LRMDA: variants seen among roughly 807,000 people sequenced by gnomAD.
The protein encoded by LRMDA is leucine rich melanocyte differentiation associated.
Under a neutral mutation model 29.8 loss-of-function variants are expected in LRMDA, and 18 were observed. That is an observed-to-expected ratio of 0.60 (90% CI 0.42 to 0.90). The LOEUF is 0.90. LRMDA is among the 40% of genes least tolerant of loss of function. LRMDA has a pLI of 0.00. For synonymous variants in LRMDA, 125 were observed against 109.4 expected, an observed-to-expected ratio of 1.14 and a Z score of -0.89; for missense variants, 273 against 273.9, an observed-to-expected ratio of 1.00 and a Z score of 0.02.
intron 5 of LRMDA, among the ~76,000 whole-genome samples, chr10:76,297,874 G>A (rs1022083342): frequency 6.6e-6 from 1 of 152,144 alleles, no homozygotes; most frequent in Non-Finnish European, 1.5e-5. Flanking sequence ...GCCTTTTGGC[G>A]TGCTGCAAAT....
At chr10:75,814,789 G>A (rs768144455) in intron 2 of LRMDA, among the ~76,000 whole-genome samples, 1 of 152,226 alleles carries the variant, frequency 6.6e-6, no homozygotes, top group African/African-American at 2.4e-5. Flanking sequence ...TAAGATGCGT[G>A]TTAGAAATGA....
At chr10:75,649,987 G>C (rs1210956312) in intron 2 of LRMDA, among the ~76,000 whole-genome samples, 1 of 144,958 alleles carries the variant, frequency 6.9e-6, no homozygotes, top group Non-Finnish European at 1.5e-5. Flanking sequence ...TGATGTTATT[G>C]TTGAGCATTA....
chr10:76,541,108 A>G (rs1377758566), intron 6 of LRMDA, among the ~76,000 whole-genome samples: 1 of 152,150 alleles, frequency 6.6e-6, no homozygotes, highest in Non-Finnish European at 1.5e-5. Context: ...TCCTAGGTCC[A>G]TTCATTTGGC....
At position 75,740,504 on chromosome 10, in the gene LRMDA, C is replaced by T. The variant is rs1307370677; in HGVS notation, c.132-295504C>T. 3.9e-5 allele frequency among the ~76,000 whole-genome samples: 6 copies of T among 152,256 alleles called. No homozygotes were observed. The East Asian group carries it at 9.6e-4, about 24-fold the overall frequency. ...GATGTAGATAATGCTTTACCCAGGG[C>T]CCCTCTGTGACCACCTGTCTCTTCC... On this transcript the variant is annotated intron_variant, in intron 2 of 6. Transcript: ENST00000611255.
rs1841517366 is a variant in LRMDA, at chr10:75,646,105, T to A, written c.131+207611T>A. On this transcript the variant is annotated intron_variant, in intron 2 of 6. Coordinates refer to ENST00000611255, the MANE Select transcript of LRMDA (RefSeq NM_001305581.2). ...TCTCCCTCCCCCCACATTCTTTTCC[T>A]ATGGAATAAATAAATAAATAAATAA... 2.6e-5 allele frequency among the ~76,000 whole-genome samples: 4 copies of A among 151,572 alleles called. No homozygotes were observed. In the South Asian group the frequency reaches 8.4e-4, roughly 32 times the overall value.
rs1840918905 is a variant in LRMDA at position 75,603,810 on chromosome 10, T to G, written c.131+165316T>G. ...TAGGTTGTTCAAGCTTTTAAAGAATTGAGGCATAATTTTGTTTTTTTGATC... is the reference window on the plus strand; with the variant it reads ...TAGGTTGTTCAAGCTTTTAAAGAATGGAGGCATAATTTTGTTTTTTTGATC... On this transcript the variant is annotated intron_variant, in intron 2 of 6. Transcript: ENST00000611255. 7.2e-5 allele frequency among the ~76,000 whole-genome samples: 11 copies of G among 152,186 alleles called. 1 individual carries two copies. The South Asian group carries it at 2.1e-3, about 29-fold the overall frequency.
chr10:75,947,929 C>T lies in LRMDA; in HGVS notation c.132-88079C>T, dbSNP rs777996097. On this transcript the variant is annotated intron_variant, in intron 2 of 6. Transcript: ENST00000611255. ...GGATTCTGTAGATAAAGTTCGTCCT[C>T]ACAGGGAGACTGTATTTTTGTTGAG... Among the ~76,000 whole-genome samples, 212 of 152,314 alleles carry T rather than the reference C, an allele frequency of 1.4e-3. 4 individuals are homozygous for T. The highest frequency in any genetic ancestry group is 1.2e-3 in the Non-Finnish European group (82 of 68,026).
intron 6 of LRMDA, among the ~76,000 whole-genome samples, chr10:76,541,397 A>G (rs11001814): frequency 0.27 from 40,401 of 152,112 alleles, 6,040 homozygotes; most frequent in Non-Finnish European, 0.34. Flanking sequence ...GCTACTTGGG[A>G]GGCCAAGGCA....
chr10:75,639,354 C>G (rs1034056023), intron 2 of LRMDA, among the ~76,000 whole-genome samples: 1 of 152,082 alleles, frequency 6.6e-6, no homozygotes, highest in Non-Finnish European at 1.5e-5. Context: ...CAAGTGTAAG[C>G]AGAGGCAGGT....
At chr10:75,991,833 C>T (rs1847375487) in intron 2 of LRMDA, among the ~76,000 whole-genome samples, 1 of 152,198 alleles carries the variant, frequency 6.6e-6, no homozygotes, top group African/African-American at 2.4e-5. Flanking sequence ...TGAGGCCACA[C>T]CACACTGGTG....
At chr10:75,829,421 T>C (rs1047597395) in intron 2 of LRMDA, among the ~76,000 whole-genome samples, 1 of 152,110 alleles carries the variant, frequency 6.6e-6, no homozygotes, top group Non-Finnish European at 1.5e-5. Context: ...TTCTCTCTAC[T>C]GGCCCCAATT....
chr10:76,208,255 A>G (rs909376880), intron 5 of LRMDA, among the ~76,000 whole-genome samples: 1 of 152,242 alleles, frequency 6.6e-6, no homozygotes, highest in Non-Finnish European at 1.5e-5. Context: ...AAGGAAGCCA[A>G]CAAATTATAT....
At chr10:75,929,143 G>A (rs767944707) in intron 2 of LRMDA, among the ~76,000 whole-genome samples, 6 of 152,146 alleles carry the variant, frequency 3.9e-5, no homozygotes, top group Non-Finnish European at 7.3e-5. Flanking sequence ...TCGGGGTCCA[G>A]GAGACAGGGC....
chr10:76,423,330 G>T (rs1216419876), intron 6 of LRMDA, among the ~76,000 whole-genome samples: 1 of 152,148 alleles, frequency 6.6e-6, no homozygotes, highest in Non-Finnish European at 1.5e-5. Flanking sequence ...GGAGATCGAG[G>T]CTGCAGTGAG....
At chr10:76,419,543 T>C (rs1842052298) in intron 6 of LRMDA, among the ~76,000 whole-genome samples, 2 of 152,090 alleles carry the variant, frequency 1.3e-5, no homozygotes, top group South Asian at 4.1e-4. Flanking sequence ...TGTGCAGGTT[T>C]TTGTGTGGAT....
At chr10:76,040,572 C>T (rs1848323958) in intron 3 of LRMDA, among the ~76,000 whole-genome samples, 1 of 149,090 alleles carries the variant, frequency 6.7e-6, no homozygotes, top group African/African-American at 2.4e-5. Context: ...CACACTCTTT[C>T]TCTCTCTCTC....
At chr10:75,721,812 G>C (rs1227813800) in intron 2 of LRMDA, among the ~76,000 whole-genome samples, 1 of 152,298 alleles carries the variant, frequency 6.6e-6, no homozygotes, top group Non-Finnish European at 1.5e-5. Context: ...TTTTATTGTA[G>C]TAATAAAGAG....
intron 2 of LRMDA, among the ~76,000 whole-genome samples, chr10:75,940,956 C>A (rs1846381057): frequency 6.6e-6 from 1 of 152,012 alleles, no homozygotes; most frequent in Non-Finnish European, 1.5e-5. Context: ...CTCTGGGTAA[C>A]AAACACATTT....
At chr10:76,145,620 G>A (rs996767377) in intron 5 of LRMDA, among the ~76,000 whole-genome samples, 4 of 152,054 alleles carry the variant, frequency 2.6e-5, no homozygotes, top group Non-Finnish European at 2.9e-5. Flanking sequence ...TATCAGTTTT[G>A]TTGATCTTTT....
Sources: gnomAD v4.1 joint callset for allele counts (sites outside exome capture counted in the v4.1 genomes callset) on GRCh38, gnomAD v4.1.1 for gene constraint, MANE v1.5 for transcripts, NCBI Gene and HGNC (gene_info 2026-07-23, HGNC 2026-07-21) for gene names.